Variants in TULP1 observed in about 807,000 individuals in gnomAD.
TULP1 encodes the protein tubby-related protein 1.
Under a neutral mutation model 67.1 loss-of-function variants are expected in TULP1, and 50 were observed. The ratio of observed to expected loss-of-function variants is 0.75; its 90% CI spans 0.59 to 0.94. The LOEUF is 0.94. Ranked by LOEUF, TULP1 falls within the 40% of genes least tolerant of loss-of-function variation. The pLI, the probability that TULP1 is intolerant of heterozygous loss-of-function variation, is 0.00. For missense variants in TULP1, 746 were observed against 734.1 expected (o/e 1.02, Z -0.19); for synonymous variants, 297 against 294.0 (o/e 1.01, Z -0.11).
At chr6:35,501,863 C>T (rs1581737297) in intron 13 of TULP1, among the ~76,000 whole-genome samples, 2 of 152,320 alleles carry the variant, frequency 1.3e-5, no homozygotes, top group Middle Eastern at 3.4e-3. Context: ...GCTCAAAACC[C>T]TGCTGTAGCT....
At chr6:35,506,247 C>T (rs369619810) in intron 9 of TULP1, 27 bp downstream of exon 9, 3 of 1,602,070 alleles carry the variant, frequency 1.9e-6, no homozygotes, top group Non-Finnish European at 2.6e-6. Context: ...AGTGCTGAGA[C>T]ACGGGCAGCC....
Position 35,503,860 on chromosome 6 carries a change from G to T in TULP1, c.1113-12C>A. 1 of 1,597,200 alleles carries T rather than the reference G, an allele frequency of 6.3e-7. No individual in the cohort carries two copies. The highest frequency in any genetic ancestry group is 1.3e-5 in the African/African-American group (1 of 74,748). On this transcript the variant is annotated splice_polypyrimidine_tract_variant and intron_variant, in intron 11 of 14. Transcript: ENST00000229771. The surrounding 1 kb of genome is among the most constrained non-coding windows in gnomAD (Gnocchi z 4.0). ...CCAGGAGGTTGGACCTGCAAGCAGG[G>T]TAGAGCTTGGGGTGGGGCTGAGGGG...
intron 2 of TULP1, 82 bp downstream of exon 2, chr6:35,512,557 C>A (rs1761232774): frequency 1.3e-6 from 2 of 1,586,104 alleles, no homozygotes; most frequent in Admixed American, 1.7e-5. Flanking sequence ...GGGACCTGTC[C>A]CACCCCTAGA....
At chr6:35,511,089 G>T in intron 4 of TULP1, 79 bp from the exon 5 acceptor site, 1 of 1,587,934 alleles carries the variant, frequency 6.3e-7, no homozygotes, top group Non-Finnish European at 8.5e-7. Flanking sequence ...CCAGACTGCT[G>T]GGAAGTGGTG....
At chr6:35,507,094 T>C (rs1446560243) in intron 8 of TULP1, among the ~76,000 whole-genome samples, 1 of 151,488 alleles carries the variant, frequency 6.6e-6, no homozygotes, top group African/African-American at 2.4e-5. Flanking sequence ...GCAGAAGTGA[T>C]CATGGGCCAC....
At chr6:35,501,273 G>C (rs79722771) in intron 13 of TULP1, among the ~76,000 whole-genome samples, 23 of 152,034 alleles carry the variant, frequency 1.5e-4, no homozygotes, top group Non-Finnish European at 2.9e-4. Flanking sequence ...TTGAGAAGCC[G>C]AGACGAGAGG....
chr6:35,499,765 TG>T lies in TULP1; in HGVS notation c.1495+215del, dbSNP rs1561812115. Reference sequence around the variant, plus strand: ...TCTGGCCAATGCTGGAATGGGAACCTGAAGTGATGAGCCCCAAGACACCTGC... The same window carrying T: ...TCTGGCCAATGCTGGAATGGGAACCTAAGTGATGAGCCCCAAGACACCTGC... On this transcript the variant is annotated intron_variant, in intron 14 of 14. Transcript: ENST00000229771. Among the ~76,000 whole-genome samples the T allele has an allele frequency of 2.0e-5, 3 of 152,274 alleles. No homozygotes were observed. In the South Asian group the frequency reaches 6.2e-4, roughly 32 times the overall value.
At chr6:35,504,968 G>T (rs1197328151) in intron 11 of TULP1, among the ~76,000 whole-genome samples, 2 of 150,096 alleles carry the variant, frequency 1.3e-5, no homozygotes, top group East Asian at 4.0e-4. Context: ...CAGGGTCTTG[G>T]TCTGTCACCC....
chr6:35,505,553 A>C (rs1019191780), intron 11 of TULP1, 188 bp downstream of exon 11: 1 of 1,501,720 alleles, frequency 6.7e-7, no homozygotes. Flanking sequence ...GGCCCACCCC[A>C]CACACTCAAC....
At chr6:35,499,702 C>T (rs542367448) in intron 14 of TULP1, among the ~76,000 whole-genome samples, 1 of 152,290 alleles carries the variant, frequency 6.6e-6, no homozygotes, top group Non-Finnish European at 1.5e-5. Flanking sequence ...CCCTTCAACA[C>T]AATCTTATCC....
chr6:35,499,846 T>C (rs1768790882), intron 14 of TULP1, 135 bp downstream of exon 14: 1 of 1,102,722 alleles, frequency 9.1e-7, no homozygotes, highest in East Asian at 2.4e-5. Flanking sequence ...GAGGAGAGAG[T>C]GACCCTGTGG....
intron 5 of TULP1, 120 bp downstream of exon 5, chr6:35,510,741 G>A (rs1368689322): frequency 5.0e-6 from 8 of 1,596,594 alleles, no homozygotes; most frequent in East Asian, 4.5e-5. Flanking sequence ...AAAACCCTCC[G>A]GTCACAGCAC....
At chr6:35,511,372 C>G (rs1206403722) in intron 4 of TULP1, among the ~76,000 whole-genome samples, 1 of 152,172 alleles carries the variant, frequency 6.6e-6, no homozygotes, top group African/African-American at 2.4e-5. Flanking sequence ...TCAGACCCAT[C>G]TGGGCTACTT....
At position 35,503,754 on chromosome 6, in the gene TULP1, G is replaced by C. The variant is rs1185913595; in HGVS notation, c.1207C>G (p.Leu403Val). 1 of 1,613,332 alleles carries C rather than the reference G, an allele frequency of 6.2e-7. No homozygotes were observed. Among genetic ancestry groups the C allele is most frequent in the Non-Finnish European group, 8.5e-7 (1 of 1,179,700 alleles). The change falls in exon 12 of 15, where the codon CTG becomes GTG. Residue 403 changes from leucine to valine, a missense_variant. By Grantham distance (32) the Leu-to-Val change is conservative. Coordinates refer to ENST00000229771, the MANE Select transcript of TULP1 (RefSeq NM_003322.6). The surrounding 1 kb of genome is among the most constrained non-coding windows in gnomAD (Gnocchi z 4.0). ...GTCCTCACATAGATCACAGCTGCCA[G>C]CTCCTGCCGAAGGCTTGCCACATTA... ...STNVASLRQELAAVIYETNVL... is the reference protein window; with the variant it reads ...STNVASLRQEVAAVIYETNVL...
intron 5 of TULP1, among the ~76,000 whole-genome samples, chr6:35,510,441 C>T (rs1325349657): frequency 6.6e-6 from 1 of 152,182 alleles, no homozygotes; most frequent in Non-Finnish European, 1.5e-5. Flanking sequence ...AAGGTCCTAG[C>T]TCTAGGCCAG....
At chr6:35,509,351 C>T (rs1340231564) in intron 7 of TULP1, 39 bp from the exon 8 acceptor site, 1 of 1,593,892 alleles carries the variant, frequency 6.3e-7, no homozygotes, top group African/African-American at 1.3e-5. Flanking sequence ...GAACTCCTCA[C>T]CCTGGTTTGC....
Position 35,506,146 on chromosome 6 carries a change from C to A in TULP1, c.856G>T (p.Val286Leu). Residue 286 changes from valine (V) to leucine (L), a missense_variant, in exon 10 of 15, where the codon GTG (valine) becomes TTG (leucine). Coordinates refer to ENST00000229771, the MANE Select transcript of TULP1 (RefSeq NM_003322.6). ...AKEERAPSPP[V>L]EVDEPREFVL... ...AACTCCCGGGGTTCGTCCACCTCCACGGGGGGAGACGGGGCCCTCTCCTCC... is the reference window on the plus strand; with the variant it reads ...AACTCCCGGGGTTCGTCCACCTCCAAGGGGGGAGACGGGGCCCTCTCCTCC... The A allele has an allele frequency of 6.2e-7, 1 of 1,613,504 alleles. No individual in the cohort carries two copies.
intron 8 of TULP1, among the ~76,000 whole-genome samples, chr6:35,507,053 C>A (rs1042792095): frequency 1.3e-5 from 2 of 151,824 alleles, no homozygotes; most frequent in African/African-American, 2.4e-5. Flanking sequence ...CACTGCATAC[C>A]AGGGTTGGTC....
rs372126191 is a variant in TULP1 at position 35,509,905 on chromosome 6, G to T, written c.523C>A (p.Pro175Thr). ...TTCCTAACACGCAGAGGTTTCGGTGGGGGGTCAGGGCTTCCCAGGTCTCCT... is the reference window on the plus strand; with the variant it reads ...TTCCTAACACGCAGAGGTTTCGGTGTGGGGTCAGGGCTTCCCAGGTCTCCT... Reference protein sequence around the residue: ...PRGDLGSPDPPPKPLRVRNKE... With the variant: ...PRGDLGSPDPTPKPLRVRNKE... Residue 175 changes from proline (P) to threonine (T), a missense_variant, in exon 6 of 15, where the codon CCA (proline) becomes ACA (threonine). This residue lies in a region of TULP1 where 359 missense variants were observed against 341.9 expected (regional missense o/e 1.05). Transcript: ENST00000229771. The T allele has an allele frequency of 6.2e-6, 10 of 1,613,724 alleles. No homozygotes were observed. The highest frequency in any genetic ancestry group is 8.5e-6 in the Non-Finnish European group (10 of 1,180,020).
Sources: gnomAD v4.1 joint callset for allele counts (sites outside exome capture counted in the v4.1 genomes callset) on GRCh38, gnomAD v4.1.1 for gene constraint, gnomAD v4.1.1 regional missense constraint, Gnocchi (gnomAD v3.1) non-coding constraint, MANE v1.5 for transcripts, NCBI Gene and HGNC (gene_info 2026-07-23, HGNC 2026-07-21) for gene names.